NPIPB7: variants seen among roughly 807,000 people sequenced by gnomAD.
NPIPB7 encodes the protein nuclear pore complex interacting protein family member B7, also known as nuclear pore complex-interacting protein family member B7.
For synonymous variants in NPIPB7, 9 were observed against 88.1 expected (o/e 0.10, Z 5.03); for missense variants, 14 against 238.5 (o/e 0.06, Z 6.20).
intron 1 of NPIPB7, among the ~76,000 whole-genome samples, chr16:28,467,565 TG>T (rs1179973644): frequency 7.2e-6 from 1 of 138,436 alleles, no homozygotes; most frequent in East Asian, 2.5e-4. Flanking sequence ...CATTTTTTTT[TG>T]TTTTTGTTTT....
chr16:28,470,680 G>A (rs555040847), upstream of NPIPB7: 243 of 543,288 alleles, frequency 4.5e-4, no homozygotes, highest in African/African-American at 3.4e-3. Context: ...AGGGAAAGGA[G>A]GAGAAGGGGG....
chr16:28,461,947 C>CAA (rs56100146), intron 4 of NPIPB7, among the ~76,000 whole-genome samples: 152 of 90,352 alleles, frequency 1.7e-3, no homozygotes, highest in East Asian at 3.7e-3. Context: ...GACTCTGTCT[C>CAA]AAAAAAAAAA....
chr16:28,470,893 C>G (rs2045946076), upstream of NPIPB7, among the ~76,000 whole-genome samples: 2 of 116,088 alleles, frequency 1.7e-5, no homozygotes, highest in Admixed American at 9.0e-5. Context: ...TGCTATCCGC[C>G]AAACCTTCTT....
chr16:28,462,061 G>A (rs1357298470), intron 4 of NPIPB7, among the ~76,000 whole-genome samples: 2 of 148,412 alleles, frequency 1.3e-5, no homozygotes, highest in African/African-American at 2.5e-5. Context: ...AGGTTGCAGT[G>A]AGCCAAGATT....
intron 2 of NPIPB7, among the ~76,000 whole-genome samples, chr16:28,463,330 G>T (rs2045882888): frequency 7.3e-6 from 1 of 137,644 alleles, no homozygotes; most frequent in Non-Finnish European, 1.5e-5. Context: ...GGCGGAGGTT[G>T]CAGTGAGCCG....
chr16:28,463,432 C>CAA (rs2045884184), intron 2 of NPIPB7, among the ~76,000 whole-genome samples: 3 of 109,438 alleles, frequency 2.7e-5, no homozygotes, highest in Admixed American at 1.1e-4. Context: ...CACACACACA[C>CAA]AAGAATGACA....
intron 1 of NPIPB7, among the ~76,000 whole-genome samples, chr16:28,468,775 T>G (rs1262698590): frequency 9.3e-6 from 1 of 107,700 alleles, no homozygotes; most frequent in South Asian, 2.9e-4. Flanking sequence ...CCACTGCACT[T>G]CAGCCTGGGT....
chr16:28,471,859 TG>T (rs2141687806), upstream of NPIPB7, among the ~76,000 whole-genome samples: 3 of 152,100 alleles, frequency 2.0e-5, no homozygotes, highest in East Asian at 5.8e-4. Context: ...CCTTCATGAT[TG>T]ACCTCTCAGG....
rs370862345 is a variant in NPIPB7 at position 28,470,268 on chromosome 16, G to A, written c.66+105C>T. The A allele has an allele frequency of 1.8e-3, 2,347 of 1,272,180 alleles. 67 individuals are homozygous for A. In the South Asian group the frequency reaches 0.028, roughly 15 times the overall value. 78.8% of individuals were successfully genotyped at this position (1,272,180 alleles called of 1,614,324 possible). On this transcript the variant is annotated intron_variant, in intron 1 of 6. Coordinates refer to ENST00000452313, the Ensembl canonical transcript of NPIPB7. ...TGGACTCAAGTGATCTGCCCACCTC[G>A]GCCCCCTAAAGTGCTGGGATTACAG...
intron 4 of NPIPB7, among the ~76,000 whole-genome samples, chr16:28,461,788 G>T (rs62034274): frequency 0.19 from 25,744 of 134,684 alleles, 10 homozygotes; most frequent in Non-Finnish European, 0.26. Flanking sequence ...CCTCTACTAA[G>T]AATACAAAAA....
At chr16:28,462,123 T>TAA (rs143188114) in intron 4 of NPIPB7, among the ~76,000 whole-genome samples, 3 of 140,320 alleles carry the variant, frequency 2.1e-5, no homozygotes, top group Non-Finnish European at 3.1e-5. Flanking sequence ...TCTCAAAATT[T>TAA]AAAAAAAAAA....
intron 4 of NPIPB7, among the ~76,000 whole-genome samples, chr16:28,459,156 T>C (rs1228350037): frequency 2.3e-4 from 27 of 117,374 alleles, no homozygotes; most frequent in African/African-American, 8.2e-4. Context: ...ATTCTCAGTA[T>C]ATCCCTAATT....
chr16:28,463,574 A>G (rs2045885388), intron 2 of NPIPB7, among the ~76,000 whole-genome samples: 1 of 145,154 alleles, frequency 6.9e-6, no homozygotes, highest in Non-Finnish European at 1.5e-5. Flanking sequence ...TAAAAATACA[A>G]AATTAGCCAG....
chr16:28,471,425 A>C (rs2141687449), upstream of NPIPB7, among the ~76,000 whole-genome samples: 1 of 106,944 alleles, frequency 9.4e-6, no homozygotes, highest in East Asian at 2.5e-4. Flanking sequence ...ACATTTACAA[A>C]AATTAACCTG....
upstream of NPIPB7, among the ~76,000 whole-genome samples, chr16:28,471,380 C>CA (rs2045949013): frequency 8.5e-6 from 1 of 118,336 alleles, no homozygotes; most frequent in African/African-American, 3.2e-5. Context: ...ATCTCAGGAA[C>CA]AAATGTAGAT....
chr16:28,468,762 G>C (rs532479871), intron 1 of NPIPB7, among the ~76,000 whole-genome samples: 1 of 112,326 alleles, frequency 8.9e-6, no homozygotes, highest in African/African-American at 2.9e-5. Context: ...AGCCGAGATC[G>C]CACCACTGCA....
chr16:28,466,786 T>G lies in NPIPB7; in HGVS notation c.183A>C (p.Ile61=). 3.3e-6 allele frequency: 4 copies of G among 1,222,940 alleles called. 2 individuals carry two copies. The highest frequency in any genetic ancestry group is 4.5e-6 in the Non-Finnish European group (4 of 897,544). 75.8% of individuals were successfully genotyped at this position (1,222,940 alleles called of 1,614,324 possible). Residue 61 remains isoleucine, a synonymous_variant, in exon 2 of 7, where the codon ATA becomes ATC. Transcript: ENST00000452313. The stretch of plus-strand genomic sequence containing the variant: ...GTCTCAGAAACCCAATAATGATAAT[T>G]ATCAAATTATCCAATTTTTGTGGAG...
At chr16:28,472,151 G>GC (rs1389754004), upstream of NPIPB7, among the ~76,000 whole-genome samples, 1 of 152,208 alleles carries the variant, frequency 6.6e-6, no homozygotes, top group African/African-American at 2.4e-5. Context: ...AGTGGCCCAC[G>GC]CCTGTAATCC....
At chr16:28,471,920 C>T (rs1023625201), upstream of NPIPB7, among the ~76,000 whole-genome samples, 1 of 152,150 alleles carries the variant, frequency 6.6e-6, no homozygotes, top group Admixed American at 6.5e-5. Context: ...GTCCCAGATA[C>T]TTGGTAGGCT....
Sources: gnomAD v4.1 joint callset for allele counts (sites outside exome capture counted in the v4.1 genomes callset) on GRCh38, gnomAD v4.1.1 for gene constraint, MANE v1.5 for transcripts, NCBI Gene and HGNC (gene_info 2026-07-23, HGNC 2026-07-21) for gene names.